The following SH3TC2 variants were observed in gnomAD, a reference collection of about 807,000 sequenced individuals.
SH3TC2 encodes the protein SH3 domain and tetratricopeptide repeat-containing protein 2.
Under a neutral mutation model 124.5 loss-of-function variants are expected in SH3TC2, and 87 were observed. The ratio of observed to expected loss-of-function variants is 0.70; its 90% CI spans 0.59 to 0.84. The LOEUF is 0.84. Among genes scored for constraint, SH3TC2 ranks in the 40% least tolerant of loss-of-function variants. SH3TC2 has a pLI of 0.00. For synonymous variants in SH3TC2, 634 were observed against 628.5 expected, an observed-to-expected ratio of 1.01 and a Z score of -0.13; for missense variants, 1,536 against 1,566.4, an observed-to-expected ratio of 0.98 and a Z score of 0.33.
At chr5:149,016,694 G>A (rs1179068322) in intron 12 of SH3TC2, among the ~76,000 whole-genome samples, 1 of 152,166 alleles carries the variant, frequency 6.6e-6, no homozygotes, top group South Asian at 2.1e-4. Flanking sequence ...GGAAGGCCGA[G>A]GCGGGCGGAT....
At chr5:149,061,615 G>A (rs1208842720) in intron 1 of SH3TC2, among the ~76,000 whole-genome samples, 2 of 152,176 alleles carry the variant, frequency 1.3e-5, no homozygotes, top group African/African-American at 4.8e-5. Flanking sequence ...AGTTAAATAA[G>A]TTGTCGAGGC....
At chr5:149,061,169 G>A (rs1450964068) in intron 1 of SH3TC2, among the ~76,000 whole-genome samples, 2 of 152,144 alleles carry the variant, frequency 1.3e-5, no homozygotes, top group East Asian at 1.9e-4. Context: ...GCAAAAAGAA[G>A]GTGAAAGAAT....
rs1326616438 is a variant in SH3TC2, at chr5:148,998,369, GA to G, written c.*6341del. ...AGGAAGACATCACTGCCCCCTACTG[GA>G]ACTCTTGGATTTCTCACAGAAAAGG... On this transcript the variant is annotated 3_prime_UTR_variant, in exon 17 of 17. Coordinates refer to ENST00000515425, the MANE Select transcript of SH3TC2 (RefSeq NM_024577.4). Among the ~76,000 whole-genome samples, 1 of 152,110 alleles carries G rather than the reference GA, an allele frequency of 6.6e-6. No homozygotes were observed. Among genetic ancestry groups the G allele is most frequent in the Non-Finnish European group, 1.5e-5 (1 of 68,024 alleles).
chr5:149,041,584 G>A lies in SH3TC2; in HGVS notation c.563C>T (p.Thr188Ile), dbSNP rs990810058. The A allele has an allele frequency of 6.2e-7, 1 of 1,614,230 alleles. No homozygotes were observed. Among genetic ancestry groups the A allele is most frequent in the African/African-American group, 1.3e-5 (1 of 75,058 alleles). The stretch of plus-strand genomic sequence containing the variant: ...TTCCCCTTCCTTCTCGGCTGGTGGA[G>A]TCACGGAGCACAGGGCTCTGCAGAA... ...HFFCRALCSV[T>I]PPAEKEGECL... The change falls in exon 6 of 17, where the codon ACT becomes ATT. Residue 188 changes from threonine to isoleucine, a missense_variant. Thr to Ile is a moderately conservative substitution (Grantham distance 89). Around this residue, in one of 3 missense-constraint regions of SH3TC2, gnomAD observed 1,102 missense variants for 1,098.6 expected, o/e 1.00. Coordinates refer to ENST00000515425, the MANE Select transcript of SH3TC2 (RefSeq NM_024577.4).
intron 13 of SH3TC2, among the ~76,000 whole-genome samples, chr5:149,011,247 G>C (rs554550433): frequency 3.9e-5 from 6 of 152,304 alleles, no homozygotes; most frequent in African/African-American, 1.4e-4. Context: ...TCATCACTGG[G>C]GCAAGATGCT....
rs757292503 is a variant in SH3TC2, at chr5:149,038,463, C to A, written c.833G>T (p.Gly278Val). ...TTCATCCTTTTCTCCTGGCTCATAACCCGTCAAGGCCTTACAGCGTCCTCT... is the reference window on the plus strand; with the variant it reads ...TTCATCCTTTTCTCCTGGCTCATAAACCGTCAAGGCCTTACAGCGTCCTCT... Reference protein sequence around the residue: ...IGRGRCKALTGYEPGEKDELN... With the variant: ...IGRGRCKALTVYEPGEKDELN... Residue 278 changes from glycine (G) to valine (V), a missense_variant, in exon 8 of 17, where the codon GGT becomes GTT. Gly to Val is a moderately radical substitution (Grantham distance 109). This residue lies in a region of SH3TC2 where 1,102 missense variants were observed against 1,098.6 expected (regional missense o/e 1.00). Transcript: ENST00000515425. 50 of 1,613,962 alleles carry A rather than the reference C, an allele frequency of 3.1e-5. No individual in the cohort carries two copies. Among genetic ancestry groups the A allele is most frequent in the Non-Finnish European group, 4.1e-5 (48 of 1,179,958 alleles).
Position 148,989,814 on chromosome 5 carries a change from G to A in SH3TC2, c.*14897C>T, listed in dbSNP as rs1301758134. On this transcript the variant is annotated 3_prime_UTR_variant, in exon 17 of 17. Coordinates refer to ENST00000515425, the MANE Select transcript of SH3TC2 (RefSeq NM_024577.4). Reference sequence around the variant, plus strand: ...TCTGGTATTCAGAAGCAGCTGGAATGAACGGAGAGAGAAGAACTATATAGC... The same window carrying A: ...TCTGGTATTCAGAAGCAGCTGGAATAAACGGAGAGAGAAGAACTATATAGC... Among the ~76,000 whole-genome samples the A allele has an allele frequency of 6.6e-6, 1 of 152,210 alleles. No individual in the cohort carries two copies. The highest frequency in any genetic ancestry group is 1.5e-5 in the Non-Finnish European group (1 of 68,042).
chr5:149,061,620 C>G (rs780838397), intron 1 of SH3TC2, among the ~76,000 whole-genome samples: 1 of 152,082 alleles, frequency 6.6e-6, no homozygotes, highest in African/African-American at 2.4e-5. Context: ...AATAAGTTGT[C>G]GAGGCAAGTA....
Position 149,027,172 on chromosome 5 carries a change from T to C in SH3TC2, c.2560A>G (p.Arg854Gly), listed in dbSNP as rs1458826952. 7 of 1,614,212 alleles carry C rather than the reference T, an allele frequency of 4.3e-6. No individual in the cohort carries two copies. Among genetic ancestry groups the C allele is most frequent in the Middle Eastern group, 1.6e-4 (1 of 6,062 alleles). ...LALQGEGRVN[R>G]AAKSYLRALN... ...GCCCGAAGATAGCTCTTGGCTGCCC[T>C]GTTCACCCGGCCTTCACCTTGGAGT... is the stretch of plus-strand genomic sequence containing the variant. The change falls in exon 11 of 17, where the codon AGG becomes GGG. Residue 854 changes from arginine (R) to glycine (G), a missense_variant. This residue lies in a region of SH3TC2 where 1,102 missense variants were observed against 1,098.6 expected (regional missense o/e 1.00). Transcript: ENST00000515425.
rs10043086 is a variant in SH3TC2 at position 148,990,315 on chromosome 5, T to A, written c.*14396A>T. The stretch of plus-strand genomic sequence containing the variant: ...ATATATGCCTCTCTGAGCCTTAGTT[T>A]CCTTAGTTTGCTGTAAATGTTCACA... On this transcript the variant is annotated 3_prime_UTR_variant, in exon 17 of 17. Transcript: ENST00000515425. Among the ~76,000 whole-genome samples the A allele has an allele frequency of 1.8e-3, 268 of 152,200 alleles. No homozygotes were observed. Among genetic ancestry groups the A allele is most frequent in the African/African-American group, 6.1e-3 (255 of 41,500 alleles).
At position 148,994,916 on chromosome 5, in the gene SH3TC2, C is replaced by T. The variant is rs1480516822; in HGVS notation, c.*9795G>A. ...GGTTTTTATCCACATCCCACAATAC[C>T]ATGAACTTATGATTTCCCAAGGAAA... On this transcript the variant is annotated 3_prime_UTR_variant, in exon 17 of 17. Transcript: ENST00000515425. 2.0e-5 allele frequency among the ~76,000 whole-genome samples: 3 copies of T among 152,098 alleles called. No individual in the cohort carries two copies. The highest frequency in any genetic ancestry group is 6.6e-5 in the Admixed American group (1 of 15,256).
intron 1 of SH3TC2, among the ~76,000 whole-genome samples, chr5:149,056,659 A>G (rs376484096): frequency 1.3e-5 from 2 of 152,296 alleles, no homozygotes. Context: ...AATTCACCAG[A>G]GGCCTCGGAT....
At position 148,986,764 on chromosome 5, in the gene SH3TC2, G is replaced by A. The variant is rs549872434; in HGVS notation, c.*17947C>T. ...AATTGCTCAGTCAACCAAATGTGAC[G>A]AGCCTAAATCCCATTCCCATGCTGT... is the stretch of plus-strand genomic sequence containing the variant. On this transcript the variant is annotated 3_prime_UTR_variant, in exon 17 of 17. Transcript: ENST00000515425. 2.8e-4 allele frequency among the ~76,000 whole-genome samples: 43 copies of A among 152,228 alleles called. No homozygotes were observed. Among genetic ancestry groups the A allele is most frequent in the African/African-American group, 9.6e-4 (40 of 41,536 alleles).
At chr5:149,046,054 G>T in intron 3 of SH3TC2, 1 of 333,662 alleles carries the variant, frequency 3.0e-6, no homozygotes, top group Non-Finnish European at 6.1e-6. Flanking sequence ...TGTAACAAGT[G>T]ACGGTCAGAA....
chr5:148,985,951 A>G lies in SH3TC2; in HGVS notation c.*18760T>C, dbSNP rs1753325960. 6.6e-6 allele frequency among the ~76,000 whole-genome samples: 1 copy of G among 152,080 alleles called. No individual in the cohort carries two copies. Among genetic ancestry groups the G allele is most frequent in the Non-Finnish European group, 1.5e-5 (1 of 68,000 alleles). On this transcript the variant is annotated 3_prime_UTR_variant, in exon 17 of 17. Coordinates refer to ENST00000515425, the MANE Select transcript of SH3TC2 (RefSeq NM_024577.4). ...GGGAGCAAAGTAACCTATAGATACC[A>G]CTCGATCATTTTTCTGACATGAGAC...
rs1753447905 is a variant in SH3TC2 at position 148,993,100 on chromosome 5, G to C, written c.*11611C>G. Among the ~76,000 whole-genome samples, 1 of 152,176 alleles carries C rather than the reference G, an allele frequency of 6.6e-6. No homozygotes were observed. The highest frequency in any genetic ancestry group is 6.5e-5 in the Admixed American group (1 of 15,272). On this transcript the variant is annotated 3_prime_UTR_variant, in exon 17 of 17. Coordinates refer to ENST00000515425, the MANE Select transcript of SH3TC2 (RefSeq NM_024577.4). ...CCTGGCTTCCATAGACGCTTAAGGT[G>C]ATTAGGCATTTGTCCCTCACCGTTT...
At chr5:149,052,094 G>A (rs777890544) in intron 2 of SH3TC2, 48 bp downstream of exon 2, 28 of 1,280,990 alleles carry the variant, frequency 2.2e-5, no homozygotes, top group South Asian at 7.1e-5. Flanking sequence ...AGAGGTTATC[G>A]CAATACTCAA....
intron 12 of SH3TC2, among the ~76,000 whole-genome samples, chr5:149,021,035 C>A (rs1209238594): frequency 6.6e-6 from 1 of 152,082 alleles, no homozygotes; most frequent in Non-Finnish European, 1.5e-5. Flanking sequence ...ATATGTTGGG[C>A]CACCAAACAA....
chr5:149,005,441 T>C (rs1264212997), intron 16 of SH3TC2, among the ~76,000 whole-genome samples: 3 of 152,176 alleles, frequency 2.0e-5, no homozygotes, highest in African/African-American at 7.2e-5. Flanking sequence ...GCAGTTAAAT[T>C]TGTAGCTCAG....
Sources: gnomAD v4.1 joint callset for allele counts (sites outside exome capture counted in the v4.1 genomes callset) on GRCh38, gnomAD v4.1.1 for gene constraint, gnomAD v4.1.1 regional missense constraint, MANE v1.5 for transcripts, NCBI Gene and HGNC (gene_info 2026-07-23, HGNC 2026-07-21) for gene names.